POLR3B: variants seen among roughly 807,000 people sequenced by gnomAD.
POLR3B encodes DNA-directed RNA polymerase III subunit RPC2.
A neutral mutation model predicts 147.4 loss-of-function variants in POLR3B; 96 were observed. That is an observed-to-expected ratio of 0.65 (90% CI 0.55 to 0.77). The LOEUF (loss-of-function observed/expected upper bound fraction) is 0.77. Among genes scored for constraint, POLR3B ranks in the 30% least tolerant of loss-of-function variants. The pLI is 0.00. For missense variants in POLR3B, 1,036 were observed against 1,413.5 expected (o/e 0.73, Z 4.28); for synonymous variants, 461 against 485.9 (o/e 0.95, Z 0.67).
chr12:106,358,069 T>G (rs2036413326), intron 1 of POLR3B, 118 bp downstream of exon 1: 2 of 1,545,374 alleles, frequency 1.3e-6, no homozygotes, highest in Middle Eastern at 2.3e-4. Flanking sequence ...GCGCCGGGCT[T>G]CTGCGCATGC....
At chr12:106,442,080 CAA>C (rs1264618766) in intron 18 of POLR3B, among the ~76,000 whole-genome samples, 1 of 97,430 alleles carries the variant, frequency 1.0e-5, no homozygotes, top group Non-Finnish European at 2.0e-5. Flanking sequence ...AAATCCGCCT[CAA>C]AAAAAAAAAA....
At chr12:106,509,215 T>C (rs2038736673) in intron 27 of POLR3B, among the ~76,000 whole-genome samples, 1 of 152,216 alleles carries the variant, frequency 6.6e-6, no homozygotes. Context: ...ATGGTGTTTG[T>C]TTCCTCTTTT....
chr12:106,502,997 C>T (rs892300912), intron 26 of POLR3B, among the ~76,000 whole-genome samples: 1 of 152,148 alleles, frequency 6.6e-6, no homozygotes, highest in African/African-American at 2.4e-5. Context: ...AGTTGGTTAT[C>T]TTAGTTGGTT....
At chr12:106,496,215 A>G (rs1305531043) in intron 24 of POLR3B, 57 bp downstream of exon 24, 1 of 1,059,592 alleles carries the variant, frequency 9.4e-7, no homozygotes, top group African/African-American at 1.6e-5. Flanking sequence ...GCAGGCAGTT[A>G]GTTTAGTTAG....
intron 19 of POLR3B, among the ~76,000 whole-genome samples, chr12:106,444,971 T>A (rs2037702041): frequency 6.6e-6 from 1 of 151,982 alleles, no homozygotes; most frequent in Non-Finnish European, 1.5e-5. Context: ...GAGAAAAAAA[T>A]AAAGATGTAC....
chr12:106,453,457 G>A (rs1007024585), intron 19 of POLR3B, among the ~76,000 whole-genome samples: 6 of 151,998 alleles, frequency 3.9e-5, no homozygotes, highest in African/African-American at 9.7e-5. Context: ...TAGGTACTTC[G>A]GAGTGTGTGT....
At chr12:106,381,134 G>C (rs1278524916) in intron 9 of POLR3B, among the ~76,000 whole-genome samples, 1 of 152,190 alleles carries the variant, frequency 6.6e-6, no homozygotes, top group Non-Finnish European at 1.5e-5. Context: ...CAGTGTTGGT[G>C]GCTACTGACT....
rs181678840 is a variant in POLR3B at position 106,411,054 on chromosome 12, T to C, written c.1101+94T>C. On this transcript the variant is annotated intron_variant, in intron 12 of 27. Coordinates refer to ENST00000228347, the MANE Select transcript of POLR3B (RefSeq NM_018082.6). The stretch of plus-strand genomic sequence containing the variant: ...TAAGAAGAAACATTTGAATGAAATA[T>C]AGTTTGCAGGTTTGAAGTATAAACA... 397 of 1,264,890 alleles carry C rather than the reference T, an allele frequency of 3.1e-4. No homozygotes were observed. The African/African-American group carries it at 5.0e-3, about 16-fold the overall frequency. The allele number at this position is 1,264,890 out of a possible 1,614,324, so 78.4% of individuals were successfully genotyped here.
intron 12 of POLR3B, among the ~76,000 whole-genome samples, chr12:106,416,922 C>T (rs2037311964): frequency 6.6e-6 from 1 of 152,092 alleles, no homozygotes; most frequent in Non-Finnish European, 1.5e-5. Context: ...GCTGCCCCTC[C>T]CTCATATCCC....
intron 12 of POLR3B, among the ~76,000 whole-genome samples, chr12:106,414,675 A>T (rs2037277595): frequency 6.6e-6 from 1 of 152,120 alleles, no homozygotes; most frequent in African/African-American, 2.4e-5. Context: ...GAATCTAGTC[A>T]TATTGTAGTA....
At chr12:106,368,036 A>G (rs2036556187) in intron 4 of POLR3B, among the ~76,000 whole-genome samples, 1 of 151,856 alleles carries the variant, frequency 6.6e-6, no homozygotes, top group Non-Finnish European at 1.5e-5. Context: ...TGGATGTTTT[A>G]TTTTATTCTA....
At chr12:106,459,794 C>G (rs2037911744) in intron 22 of POLR3B, among the ~76,000 whole-genome samples, 1 of 152,144 alleles carries the variant, frequency 6.6e-6, no homozygotes. Context: ...TAGCCCAGCT[C>G]TAGTAGACGT....
chr12:106,504,229 T>C lies in POLR3B; in HGVS notation c.3247T>C (p.Cys1083Arg). The C allele has an allele frequency of 1.2e-6, 2 of 1,614,160 alleles. No homozygotes were observed. The highest frequency in any genetic ancestry group is 1.1e-5 in the South Asian group (1 of 91,074). The change falls in exon 27 of 28, where the codon TGT (cysteine) becomes CGT (arginine). Residue 1083 changes from cysteine (C) to arginine (R), a missense_variant. By Grantham distance (180) the Cys-to-Arg change is radical. Transcript: ENST00000228347. The surrounding 1 kb of genome is among the most constrained non-coding windows in gnomAD (Gnocchi z 4.6). ...CTTTGAGGTTGATGTCTGTGGGCAG[T>C]GTGGACTTCTGGGGTATTCTGGCTG... ...DAFEVDVCGQCGLLGYSGWCH... is the reference protein window; with the variant it reads ...DAFEVDVCGQRGLLGYSGWCH...
chr12:106,380,400 C>T (rs541030056), intron 9 of POLR3B, among the ~76,000 whole-genome samples: 1 of 143,390 alleles, frequency 7.0e-6, no homozygotes, highest in Admixed American at 6.9e-5. Context: ...ATGGTGAAAC[C>T]CCATCTCTAC....
intron 9 of POLR3B, among the ~76,000 whole-genome samples, chr12:106,383,986 AAAAG>A (rs1360058184): frequency 6.6e-6 from 1 of 152,056 alleles, no homozygotes; most frequent in African/African-American, 2.4e-5. Context: ...TCAAAAAAAA[AAAAG>A]AGAGAGAAAA....
At chr12:106,474,098 CT>C (rs1245614066) in intron 23 of POLR3B, among the ~76,000 whole-genome samples, 1 of 65,126 alleles carries the variant, frequency 1.5e-5, no homozygotes, top group African/African-American at 6.4e-5. Context: ...TTGTCAAAGG[CT>C]TTTTCTGCAT....
At chr12:106,438,350 A>G (rs2037604858) in intron 18 of POLR3B, among the ~76,000 whole-genome samples, 2 of 152,144 alleles carry the variant, frequency 1.3e-5, no homozygotes, top group Non-Finnish European at 2.9e-5. Context: ...GAGTATTACA[A>G]AGCAGCTAAC....
Position 106,504,235 on chromosome 12 carries a change from C to T in POLR3B, c.3253C>T (p.Leu1085Phe), listed in dbSNP as rs370363631. ...FEVDVCGQCG[L>F]LGYSGWCHYC... ...GGTTGATGTCTGTGGGCAGTGTGGA[C>T]TTCTGGGGTATTCTGGCTGGTAAGT... is the stretch of plus-strand genomic sequence containing the variant. Residue 1085 changes from leucine (L) to phenylalanine (F), a missense_variant, in exon 27 of 28, where the codon CTT (leucine) becomes TTT (phenylalanine). Physicochemically the swap from Leu to Phe is conservative, Grantham distance 22 (BLOSUM62 0). Coordinates refer to ENST00000228347, the MANE Select transcript of POLR3B (RefSeq NM_018082.6). This position sits in a 1 kb window ranked among gnomAD's most constrained non-coding sequence, Gnocchi z 4.6. 6.2e-7 allele frequency: 1 copy of T among 1,613,894 alleles called. No individual in the cohort carries two copies. Among genetic ancestry groups the T allele is most frequent in the African/African-American group, 1.3e-5 (1 of 74,890 alleles).
At chr12:106,391,367 T>C (rs2036911831) in intron 9 of POLR3B, among the ~76,000 whole-genome samples, 1 of 152,186 alleles carries the variant, frequency 6.6e-6, no homozygotes, top group Admixed American at 6.5e-5. Context: ...CACATTTTTT[T>C]CTATAGAGGT....
Sources: gnomAD v4.1 joint callset for allele counts (sites outside exome capture counted in the v4.1 genomes callset) on GRCh38, gnomAD v4.1.1 for gene constraint, Gnocchi (gnomAD v3.1) non-coding constraint, MANE v1.5 for transcripts, NCBI Gene and HGNC (gene_info 2026-07-23, HGNC 2026-07-21) for gene names.